LRMDA: variants seen among roughly 807,000 people sequenced by gnomAD.
LRMDA encodes the protein leucine rich melanocyte differentiation associated.
In LRMDA, 18 loss-of-function variants were observed where a neutral mutation model predicts 29.8. The ratio of observed to expected loss-of-function variants is 0.60; its 90% CI spans 0.42 to 0.90. The LOEUF (loss-of-function observed/expected upper bound fraction) is 0.90, where lower values mean the gene tolerates loss of function less well. Ranked by LOEUF, LRMDA falls within the 40% of genes least tolerant of loss-of-function variation. The probability of loss-of-function intolerance (pLI) is 0.00; values close to 1 mark genes in which losing one functional copy is unlikely to be tolerated. For missense variants in LRMDA, 273 were observed against 273.9 expected (o/e 1.00, Z 0.02); for synonymous variants, 125 against 109.4 (o/e 1.14, Z -0.89).
At chr10:76,538,363 C>G (rs912715596) in intron 6 of LRMDA, among the ~76,000 whole-genome samples, 1 of 150,500 alleles carries the variant, frequency 6.6e-6, no homozygotes, top group Admixed American at 6.6e-5. Flanking sequence ...TTTTTTTAAC[C>G]TTGTTTTTAC....
intron 2 of LRMDA, among the ~76,000 whole-genome samples, chr10:75,609,321 A>C (rs1840998984): frequency 6.6e-6 from 1 of 152,208 alleles, no homozygotes; most frequent in South Asian, 2.1e-4. Flanking sequence ...TCATGAGTGA[A>C]GTGTCAAGTA....
chr10:76,469,012 T>C (rs1449451699), intron 6 of LRMDA, among the ~76,000 whole-genome samples: 2 of 152,118 alleles, frequency 1.3e-5, no homozygotes, highest in East Asian at 3.9e-4. Context: ...AATGAAAAAA[T>C]ATCCAACCAT....
intron 2 of LRMDA, among the ~76,000 whole-genome samples, chr10:75,581,255 G>C (rs1317136379): frequency 6.6e-6 from 1 of 152,156 alleles, no homozygotes; most frequent in East Asian, 1.9e-4. Context: ...AATGGGTGAA[G>C]TATATGAACA....
At chr10:76,518,317 A>G (rs1459038839) in intron 6 of LRMDA, among the ~76,000 whole-genome samples, 5 of 150,886 alleles carry the variant, frequency 3.3e-5, no homozygotes, top group African/African-American at 7.3e-5. Context: ...CTATCTATCT[A>G]TCTATCTATC....
chr10:76,072,563 G>T (rs1848892049), intron 5 of LRMDA, among the ~76,000 whole-genome samples: 1 of 152,178 alleles, frequency 6.6e-6, no homozygotes, highest in African/African-American at 2.4e-5. Context: ...GGCCCCAAGA[G>T]AAGTTTAACC....
At chr10:76,535,380 A>C (rs1843279266) in intron 6 of LRMDA, among the ~76,000 whole-genome samples, 3 of 152,248 alleles carry the variant, frequency 2.0e-5, no homozygotes, top group African/African-American at 7.2e-5. Context: ...ATTCTTAACT[A>C]ATTTTTTAAA....
At chr10:76,318,518 G>C (rs139999326) in intron 5 of LRMDA, 1 of 152,532 alleles carries the variant, frequency 6.6e-6, no homozygotes, top group East Asian at 1.9e-4. Context: ...CAGCTCCCTC[G>C]CTCAGCTTCA....
At chr10:76,300,966 T>C (rs1408318211) in intron 5 of LRMDA, among the ~76,000 whole-genome samples, 4 of 152,210 alleles carry the variant, frequency 2.6e-5, no homozygotes, top group Non-Finnish European at 5.9e-5. Flanking sequence ...ACCATTAGGC[T>C]CCTTCCCTTA....
At chr10:76,450,621 T>A (rs1192417225) in intron 6 of LRMDA, among the ~76,000 whole-genome samples, 2 of 152,170 alleles carry the variant, frequency 1.3e-5, no homozygotes, top group Admixed American at 6.6e-5. Flanking sequence ...CTCTTCTATA[T>A]TTTTCCTCGG....
intron 2 of LRMDA, among the ~76,000 whole-genome samples, chr10:75,557,863 C>T (rs1840234490): frequency 6.6e-6 from 1 of 152,164 alleles, no homozygotes; most frequent in Non-Finnish European, 1.5e-5. Context: ...CATCTGCGTC[C>T]TCAAGAGGTT....
intron 5 of LRMDA, among the ~76,000 whole-genome samples, chr10:76,134,683 T>G (rs1850061149): frequency 6.6e-6 from 1 of 152,190 alleles, no homozygotes. Flanking sequence ...CCTAGTTATA[T>G]AATTTGAGTG....
At chr10:75,728,918 C>G (rs1268286543) in intron 2 of LRMDA, among the ~76,000 whole-genome samples, 1 of 152,132 alleles carries the variant, frequency 6.6e-6, no homozygotes, top group Non-Finnish European at 1.5e-5. Context: ...CTGAGCCCCT[C>G]TCATCGTGTC....
chr10:75,482,357 C>A (rs1589156125), intron 2 of LRMDA, among the ~76,000 whole-genome samples: 2 of 152,148 alleles, frequency 1.3e-5, no homozygotes, highest in African/African-American at 4.8e-5. Context: ...CCTAGCCTAG[C>A]CAAGTTGTAG....
At chr10:75,940,795 T>A (rs1205794190) in intron 2 of LRMDA, among the ~76,000 whole-genome samples, 3 of 151,982 alleles carry the variant, frequency 2.0e-5, no homozygotes, top group Non-Finnish European at 2.9e-5. Context: ...CGCGCGCGTG[T>A]GTGTGTGTTG....
intron 2 of LRMDA, among the ~76,000 whole-genome samples, chr10:75,610,337 C>T (rs550415632): frequency 6.6e-6 from 1 of 151,676 alleles, no homozygotes; most frequent in Admixed American, 6.6e-5. Context: ...CCACACCTCC[C>T]ACATCCCTCA....
chr10:76,148,568 C>T (rs906738512), intron 5 of LRMDA, among the ~76,000 whole-genome samples: 6 of 152,098 alleles, frequency 3.9e-5, no homozygotes, highest in Non-Finnish European at 8.8e-5. Context: ...GGGAGTGACC[C>T]GATTTTCTAG....
chr10:76,220,402 A>T (rs1008965344), intron 5 of LRMDA, among the ~76,000 whole-genome samples: 1 of 152,164 alleles, frequency 6.6e-6, no homozygotes, highest in Non-Finnish European at 1.5e-5. Context: ...AAGAGAGAAG[A>T]ATCAAATAGA....
intron 2 of LRMDA, among the ~76,000 whole-genome samples, chr10:75,493,705 G>A (rs1447034207): frequency 6.6e-6 from 1 of 152,142 alleles, no homozygotes; most frequent in Non-Finnish European, 1.5e-5. Context: ...CATGTGTGGT[G>A]AGACATCCCC....
chr10:75,925,307 C>T (rs113565930), intron 2 of LRMDA, among the ~76,000 whole-genome samples: 226 of 152,210 alleles, frequency 1.5e-3, no homozygotes, highest in Middle Eastern at 3.4e-3. Flanking sequence ...CTTGCAGGGG[C>T]CTGGCTGGTA....
Sources: gnomAD v4.1 joint callset for allele counts (sites outside exome capture counted in the v4.1 genomes callset) on GRCh38, gnomAD v4.1.1 for gene constraint, MANE v1.5 for transcripts, NCBI Gene and HGNC (gene_info 2026-07-23, HGNC 2026-07-21) for gene names.